NTNG1: variants seen among roughly 807,000 people sequenced by gnomAD.
NTNG1 encodes the protein netrin G1, also known as netrin-G1.
In NTNG1, 16 loss-of-function variants were observed where a neutral mutation model predicts 54.0. That is an observed-to-expected ratio of 0.30 (90% CI 0.20 to 0.45). NTNG1 has a LOEUF of 0.45. Among genes scored for constraint, NTNG1 ranks in the 20% least tolerant of loss-of-function variants. The pLI, the probability that NTNG1 is intolerant of heterozygous loss-of-function variation, is 1.00. For missense variants in NTNG1, 530 were observed against 678.7 expected, an observed-to-expected ratio of 0.78 and a Z score of 2.43; for synonymous variants, 255 against 263.1, an observed-to-expected ratio of 0.97 and a Z score of 0.30.
At chr1:107,285,017 G>A (rs1345931551) in intron 2 of NTNG1, among the ~76,000 whole-genome samples, 2 of 152,030 alleles carry the variant, frequency 1.3e-5, no homozygotes, top group African/African-American at 4.8e-5. Context: ...TCAATCACAT[G>A]TATAAAAATA....
chr1:107,412,688 C>T (rs1216356998), intron 5 of NTNG1, among the ~76,000 whole-genome samples: 1 of 152,112 alleles, frequency 6.6e-6, no homozygotes, highest in Non-Finnish European at 1.5e-5. Flanking sequence ...ACCTGGAGAA[C>T]TTACAAGCAT....
chr1:107,352,872 G>A (rs1372517875), intron 3 of NTNG1, among the ~76,000 whole-genome samples: 1 of 152,220 alleles, frequency 6.6e-6, no homozygotes. Flanking sequence ...TGGAGCAGTG[G>A]TCCTAGCTGT....
chr1:107,388,278 C>T (rs1672140975), intron 3 of NTNG1, among the ~76,000 whole-genome samples: 1 of 152,190 alleles, frequency 6.6e-6, no homozygotes, highest in South Asian at 2.1e-4. Flanking sequence ...ATCTTAAGGG[C>T]TTACATGCAT....
At chr1:107,293,506 T>A (rs1665752483) in intron 2 of NTNG1, among the ~76,000 whole-genome samples, 1 of 152,214 alleles carries the variant, frequency 6.6e-6, no homozygotes, top group Non-Finnish European at 1.5e-5. Flanking sequence ...AGTATGTGCC[T>A]ATTAAAAATG....
At position 107,483,484 on chromosome 1, in the gene NTNG1, C is replaced by CT. The variant is rs1439542413; in HGVS notation, c.*2649dup. On this transcript the variant is annotated 3_prime_UTR_variant, in exon 8 of 8. Coordinates refer to ENST00000370068, the MANE Select transcript of NTNG1 (RefSeq NM_001113226.3). ...GTACAACAAATGGAAATGAAATGTT[C>CT]TTTTTAAATCTGGATTCTCAAGTTC... is the stretch of plus-strand genomic sequence containing the variant. 1 of 152,144 alleles carries CT rather than the reference C, an allele frequency of 6.6e-6. No homozygotes were observed. Among genetic ancestry groups the CT allele is most frequent in the East Asian group, 1.9e-4 (1 of 5,202 alleles). 9.4% of individuals were successfully genotyped at this position (152,144 alleles called of 1,614,324 possible).
intron 6 of NTNG1, among the ~76,000 whole-genome samples, chr1:107,432,928 C>A (rs1249152418): frequency 6.6e-6 from 1 of 151,958 alleles, no homozygotes; most frequent in Non-Finnish European, 1.5e-5. Context: ...TCTTTCTATC[C>A]AGTTTTAAGA....
chr1:107,254,636 A>G (rs183121376), intron 2 of NTNG1, among the ~76,000 whole-genome samples: 1 of 152,318 alleles, frequency 6.6e-6, no homozygotes, highest in African/African-American at 2.4e-5. Flanking sequence ...GCACTAGGAA[A>G]GGATTTATGA....
At chr1:107,172,174 C>G (rs752198422) in intron 2 of NTNG1, among the ~76,000 whole-genome samples, 1 of 152,048 alleles carries the variant, frequency 6.6e-6, no homozygotes, top group Admixed American at 6.6e-5. Flanking sequence ...TTATTATCCT[C>G]GAAACACTTG....
At chr1:107,221,583 A>G (rs1425614795) in intron 2 of NTNG1, among the ~76,000 whole-genome samples, 1 of 152,186 alleles carries the variant, frequency 6.6e-6, no homozygotes, top group African/African-American at 2.4e-5. Context: ...AAAGCAAAGA[A>G]AGAGCAGTAG....
intron 3 of NTNG1, among the ~76,000 whole-genome samples, chr1:107,352,844 C>T (rs1172940619): frequency 6.6e-6 from 1 of 152,206 alleles, no homozygotes; most frequent in East Asian, 1.9e-4. Flanking sequence ...ACCACCAAGG[C>T]TTATGGTTTG....
intron 2 of NTNG1, among the ~76,000 whole-genome samples, chr1:107,287,166 A>G (rs1452920303): frequency 3.3e-5 from 5 of 152,280 alleles, no homozygotes; most frequent in Admixed American, 3.3e-4. Context: ...TGGAGGCTAC[A>G]GACCAAAAAA....
chr1:107,244,730 A>G (rs930700953), intron 2 of NTNG1, among the ~76,000 whole-genome samples: 5 of 151,942 alleles, frequency 3.3e-5, no homozygotes, highest in Non-Finnish European at 5.9e-5. Flanking sequence ...CTGCCAATCT[A>G]GCTCTCTCTC....
rs113554098 is a variant in NTNG1 at position 107,236,956 on chromosome 1, G to A, written c.247-87326G>A. On this transcript the variant is annotated intron_variant, in intron 2 of 7. Coordinates refer to ENST00000370068, the MANE Select transcript of NTNG1 (RefSeq NM_001113226.3). ...AATACAGTAAATTGGTACCAGAAGTGGGGTGTTGCTGAAAAGATACCCCAA... is the reference window on the plus strand; with the variant it reads ...AATACAGTAAATTGGTACCAGAAGTAGGGTGTTGCTGAAAAGATACCCCAA... Among the ~76,000 whole-genome samples, 411 of 152,226 alleles carry A rather than the reference G, an allele frequency of 2.7e-3. 1 individual carries two copies. The highest frequency in any genetic ancestry group is 9.1e-3 in the African/African-American group (378 of 41,548).
chr1:107,420,077 A>G (rs181734481), intron 5 of NTNG1, among the ~76,000 whole-genome samples: 1 of 152,174 alleles, frequency 6.6e-6, no homozygotes, highest in East Asian at 1.9e-4. Flanking sequence ...TTCATAGTTC[A>G]CAAATTATAC....
intron 2 of NTNG1, among the ~76,000 whole-genome samples, chr1:107,323,408 C>T (rs1667766114): frequency 6.6e-6 from 1 of 152,070 alleles, no homozygotes; most frequent in Admixed American, 6.6e-5. Context: ...TTTCTAGCTT[C>T]TTGTTTGAAT....
At chr1:107,415,475 T>G (rs1674134692) in intron 5 of NTNG1, among the ~76,000 whole-genome samples, 1 of 152,132 alleles carries the variant, frequency 6.6e-6, no homozygotes. Context: ...CTTAGAAATC[T>G]CTTATCTGGC....
chr1:107,325,167 A>G (rs913721357), intron 3 of NTNG1, among the ~76,000 whole-genome samples: 1 of 152,122 alleles, frequency 6.6e-6, no homozygotes, highest in East Asian at 1.9e-4. Flanking sequence ...GTGAATTTTA[A>G]AAAGTAACTC....
intron 2 of NTNG1, among the ~76,000 whole-genome samples, chr1:107,157,888 T>C (rs1655118426): frequency 6.6e-6 from 1 of 152,126 alleles, no homozygotes; most frequent in African/African-American, 2.4e-5. Context: ...AATATGAATA[T>C]CTTTTTGCCA....
Position 107,324,824 on chromosome 1 carries a change from G to A in NTNG1, c.789G>A (p.Arg263=), listed in dbSNP as rs1353473416. 5 of 1,613,530 alleles carry A rather than the reference G, an allele frequency of 3.1e-6. No individual in the cohort carries two copies. Among genetic ancestry groups the A allele is most frequent in the South Asian group, 1.1e-5 (1 of 91,060 alleles). Residue 263 remains arginine (R), a synonymous_variant, in exon 3 of 8, where the codon AGG becomes AGA. Transcript: ENST00000370068. ...LRDFFTVTDL[R]IRLLRPAVGE... ...ATTTCTTTACAGTCACAGACCTGAG[G>A]ATAAGGCTGTTAAGACCAGCCGTTG...
Sources: gnomAD v4.1 joint callset for allele counts (sites outside exome capture counted in the v4.1 genomes callset) on GRCh38, gnomAD v4.1.1 for gene constraint, MANE v1.5 for transcripts, NCBI Gene and HGNC (gene_info 2026-07-23, HGNC 2026-07-21) for gene names.